CLIC6: variants seen among roughly 807,000 people sequenced by gnomAD.
CLIC6 encodes the protein CLIC family member 6, also known as chloride intracellular channel protein 6.
Under a neutral mutation model 49.2 loss-of-function variants are expected in CLIC6, and 39 were observed. The observed-to-expected ratio is 0.79, with a 90% CI of 0.61 to 1.04. The LOEUF is 1.04. CLIC6 is among the 50% of genes least tolerant of loss of function. The pLI is 0.00. For synonymous variants in CLIC6, 446 were observed against 433.4 expected, an observed-to-expected ratio of 1.03 and a Z score of -0.36; for missense variants, 988 against 993.1, an observed-to-expected ratio of 0.99 and a Z score of 0.07.
intron 1 of CLIC6, among the ~76,000 whole-genome samples, chr21:34,704,351 C>T (rs1046233682): frequency 3.3e-5 from 5 of 152,170 alleles, no homozygotes; most frequent in African/African-American, 1.2e-4. Flanking sequence ...CCCAGTCACT[C>T]CCACCATGTT....
chr21:34,669,540 C>T lies in CLIC6; in HGVS notation c.152C>T (p.Pro51Leu), dbSNP rs920918154. Reference protein sequence around the residue: ...PEGSEGAEEAPRGAAAVKEAG... With the variant: ...PEGSEGAEEALRGAAAVKEAG... ...GGGAGCGAGGGCGCAGAGGAGGCGC[C>T]GAGGGGCGCCGCCGCTGTGAAGGAG... Residue 51 changes from proline (P) to leucine (L), a missense_variant, in exon 1 of 6, where the codon CCG (proline) becomes CTG (leucine). By Grantham distance (98) the Pro-to-Leu change is moderately conservative. Transcript: ENST00000349499. The T allele has an allele frequency of 8.0e-6, 10 of 1,244,036 alleles. No homozygotes were observed. Among genetic ancestry groups the T allele is most frequent in the Non-Finnish European group, 1.0e-5 (10 of 995,976 alleles). The allele number at this position is 1,244,036 out of a possible 1,614,324, so 77.1% of individuals were successfully genotyped here.
chr21:34,709,290 C>A, intron 4 of CLIC6, 67 bp from the exon 5 acceptor site: 1 of 1,433,326 alleles, frequency 7.0e-7, no homozygotes, highest in Non-Finnish European at 9.7e-7. Context: ...CAAACTCCAT[C>A]ACAGCTGGTG....
intron 1 of CLIC6, among the ~76,000 whole-genome samples, chr21:34,693,738 T>A (rs1034883702): frequency 6.6e-6 from 1 of 152,170 alleles, no homozygotes; most frequent in Non-Finnish European, 1.5e-5. Context: ...TGCCCACAGT[T>A]CAGGTCGAAA....
chr21:34,705,204 G>A (rs921715196), intron 1 of CLIC6, among the ~76,000 whole-genome samples: 1 of 152,098 alleles, frequency 6.6e-6, no homozygotes, highest in Admixed American at 6.5e-5. Context: ...TCTTCTCCCC[G>A]CTCCGCCTTT....
At chr21:34,692,476 A>G (rs1990013933) in intron 1 of CLIC6, among the ~76,000 whole-genome samples, 1 of 152,206 alleles carries the variant, frequency 6.6e-6, no homozygotes, top group African/African-American at 2.4e-5. Context: ...TTTCTACCTG[A>G]CTGCAAAGCC....
At chr21:34,700,070 A>G (rs1990159047) in intron 1 of CLIC6, among the ~76,000 whole-genome samples, 1 of 152,130 alleles carries the variant, frequency 6.6e-6, no homozygotes, top group African/African-American at 2.4e-5. Flanking sequence ...TGGAGCCGCC[A>G]TGTTGAACAT....
chr21:34,669,779 G>T lies in CLIC6; in HGVS notation c.391G>T (p.Asp131Tyr). Residue 131 changes from aspartate to tyrosine, a missense_variant, in exon 1 of 6, where the codon GAC becomes TAC. Coordinates refer to ENST00000349499, the MANE Select transcript of CLIC6 (RefSeq NM_053277.3). ...PRGEAQREPEDSAAPERQEEA... is the reference protein window; with the variant it reads ...PRGEAQREPEYSAAPERQEEA... The stretch of plus-strand genomic sequence containing the variant: ...CGGGGAGGCTCAGAGGGAGCCCGAG[G>T]ACTCTGCGGCCCCCGAGAGGCAGGA... 1 of 1,423,908 alleles carries T rather than the reference G, an allele frequency of 7.0e-7. No homozygotes were observed. The highest frequency in any genetic ancestry group is 9.1e-7 in the Non-Finnish European group (1 of 1,099,944). 88.2% of individuals were successfully genotyped at this position (1,423,908 alleles called of 1,614,324 possible).
In CLIC6 at chr21:34,695,201, T is replaced by A. The variant is rs140055103; in HGVS notation, c.1375-12079T>A. Among the ~76,000 whole-genome samples the A allele has an allele frequency of 1.4e-4, 22 of 152,350 alleles. No individual in the cohort carries two copies. In the East Asian group the frequency reaches 4.2e-3, roughly 29 times the overall value. On this transcript the variant is annotated intron_variant, in intron 1 of 5. Coordinates refer to ENST00000349499, the MANE Select transcript of CLIC6 (RefSeq NM_053277.3). ...ACCTCCCCAGCTTCTAGAGGCTGCT[T>A]GCATGTCTTGGCTCATGGCCCCATC...
intron 5 of CLIC6, among the ~76,000 whole-genome samples, chr21:34,715,682 A>G (rs532633839): frequency 9.2e-5 from 14 of 152,346 alleles, no homozygotes; most frequent in African/African-American, 3.4e-4. Flanking sequence ...TGCTAGAGGA[A>G]GTATCTCACA....
rs142391603 is a variant in CLIC6 at position 34,713,443 on chromosome 21, A to G, written c.1900-2878A>G. Among the ~76,000 whole-genome samples, 1,135 of 152,350 alleles carry G rather than the reference A, an allele frequency of 7.4e-3. 7 individuals are homozygous for G. The highest frequency in any genetic ancestry group is 0.014 in the Admixed American group (213 of 15,296). ...CAGAAATAAAAGTCCTGTTAGAAGC[A>G]GTAAGACACAGACGAAGACATTGCT... On this transcript the variant is annotated intron_variant, in intron 5 of 5. Transcript: ENST00000349499.
intron 1 of CLIC6, among the ~76,000 whole-genome samples, chr21:34,672,663 G>T (rs1989587377): frequency 6.6e-6 from 1 of 152,222 alleles, no homozygotes; most frequent in Admixed American, 6.5e-5. Flanking sequence ...TGTGGTGAAG[G>T]CTTGAATGGG....
intron 1 of CLIC6, among the ~76,000 whole-genome samples, chr21:34,691,768 G>A (rs116745503): frequency 4.4e-4 from 67 of 152,210 alleles, no homozygotes; most frequent in African/African-American, 1.5e-3. Context: ...GTTCATTTGC[G>A]TGCTTTTTTT....
intron 1 of CLIC6, among the ~76,000 whole-genome samples, chr21:34,680,021 T>G (rs1989745761): frequency 6.6e-6 from 1 of 152,212 alleles, no homozygotes; most frequent in Admixed American, 6.5e-5. Flanking sequence ...AGTGCCCCAG[T>G]GGGGACTCTG....
chr21:34,716,424 G>T lies in CLIC6; in HGVS notation c.2003G>T (p.Cys668Phe). The T allele has an allele frequency of 6.2e-7, 1 of 1,613,914 alleles. No homozygotes were observed. Among genetic ancestry groups the T allele is most frequent in the Non-Finnish European group, 8.5e-7 (1 of 1,179,894 alleles). The change falls in exon 6 of 6, where the codon TGT (cysteine) becomes TTT (phenylalanine). Residue 668 changes from cysteine to phenylalanine, a missense_variant. Physicochemically the swap from Cys to Phe is radical, Grantham distance 205. Coordinates refer to ENST00000349499, the MANE Select transcript of CLIC6 (RefSeq NM_053277.3). ...AYARDEFTNT[C>F]PADQEIEHAY... Reference sequence around the variant, plus strand: ...GCTAGAGATGAGTTCACAAATACGTGTCCAGCTGATCAAGAGATTGAACAC... The same window carrying T: ...GCTAGAGATGAGTTCACAAATACGTTTCCAGCTGATCAAGAGATTGAACAC...
chr21:34,679,810 C>A (rs528017678), intron 1 of CLIC6, among the ~76,000 whole-genome samples: 1 of 99,008 alleles, frequency 1.0e-5, no homozygotes, highest in South Asian at 4.2e-4. Flanking sequence ...CCAAGTCACA[C>A]TGATGCATGA....
Position 34,708,716 on chromosome 21 carries a change from A to T in CLIC6, c.1627A>T (p.Thr543Ser). ...LAPPRYPKLG[T>S]QHPESNSAGN... The stretch of plus-strand genomic sequence containing the variant: ...CTTTTCAAGGTATCCCAAGCTGGGG[A>T]CCCAACATCCCGAATCTAATTCCGC... The change falls in exon 4 of 6, where the codon ACC (threonine) becomes TCC (serine). Residue 543 changes from threonine (T) to serine (S), a missense_variant. Coordinates refer to ENST00000349499, the MANE Select transcript of CLIC6 (RefSeq NM_053277.3). The T allele has an allele frequency of 2.5e-6, 4 of 1,614,002 alleles. No individual in the cohort carries two copies. The South Asian group carries it at 4.4e-5, about 18-fold the overall frequency.
At chr21:34,680,245 C>T (rs1601262397) in intron 1 of CLIC6, among the ~76,000 whole-genome samples, 1 of 152,232 alleles carries the variant, frequency 6.6e-6, no homozygotes, top group East Asian at 1.9e-4. Flanking sequence ...GGGGCTTGCA[C>T]CCTCTGAAGC....
chr21:34,684,821 A>T (rs1989845228), intron 1 of CLIC6, among the ~76,000 whole-genome samples: 1 of 152,240 alleles, frequency 6.6e-6, no homozygotes, highest in Non-Finnish European at 1.5e-5. Flanking sequence ...GACCTAGGTC[A>T]TTCCATGTCC....
At chr21:34,696,395 T>C (rs1368172278) in intron 1 of CLIC6, among the ~76,000 whole-genome samples, 1 of 152,212 alleles carries the variant, frequency 6.6e-6, no homozygotes, top group East Asian at 1.9e-4. Context: ...AGAGCAGAGC[T>C]GGGTAAAACA....
Sources: allele counts gnomAD v4.1 joint callset (sites outside exome capture counted in the v4.1 genomes callset), GRCh38; gene constraint gnomAD v4.1.1; transcripts MANE v1.5; gene names NCBI Gene and HGNC (gene_info 2026-07-23, HGNC 2026-07-21).